DIP2C: variants seen among roughly 807,000 people sequenced by gnomAD.
The protein encoded by DIP2C is DIP2 acetate--CoA ligase C (putative).
In DIP2C, 33 loss-of-function variants were observed where a neutral mutation model predicts 192.4. The observed-to-expected ratio is 0.17, with a 90% CI of 0.13 to 0.23. The LOEUF is 0.23. DIP2C is among the 10% of genes least tolerant of loss of function. The probability of loss-of-function intolerance (pLI) is 1.00; values close to 1 mark genes in which losing one functional copy is unlikely to be tolerated. For synonymous variants in DIP2C, 979 were observed against 864.1 expected (o/e 1.13, Z -2.33); for missense variants, 1,537 against 2,110.1 (o/e 0.73, Z 5.32).
At chr10:458,558 G>C (rs977834190) in intron 3 of DIP2C, among the ~76,000 whole-genome samples, 8 of 147,782 alleles carry the variant, frequency 5.4e-5, no homozygotes, top group Non-Finnish European at 8.9e-5. Context: ...AGCGTGTGAC[G>C]GAGTGCTCAG....
At chr10:629,443 G>A (rs761953191) in intron 1 of DIP2C, among the ~76,000 whole-genome samples, 5 of 152,150 alleles carry the variant, frequency 3.3e-5, no homozygotes, top group African/African-American at 1.2e-4. Context: ...CCAGACCAGC[G>A]GCAGGACCCA....
chr10:520,010 G>C (rs369081285), intron 1 of DIP2C, among the ~76,000 whole-genome samples: 2 of 152,212 alleles, frequency 1.3e-5, no homozygotes, highest in Non-Finnish European at 2.9e-5. Flanking sequence ...GAGTAACAGC[G>C]ATGGTTCTCC....
At chr10:370,097 C>T in intron 17 of DIP2C, 1 of 962,290 alleles carries the variant, frequency 1.0e-6, no homozygotes, top group Non-Finnish European at 1.2e-6. Flanking sequence ...TCCTGACTGT[C>T]CAGCCTCAAT....
chr10:453,284 G>T (rs964216640), intron 3 of DIP2C, among the ~76,000 whole-genome samples: 1 of 152,146 alleles, frequency 6.6e-6, no homozygotes, highest in Non-Finnish European at 1.5e-5. Context: ...GACACCAGAT[G>T]AGAGGCCGTG....
intron 3 of DIP2C, among the ~76,000 whole-genome samples, chr10:459,634 T>C (rs545818024): frequency 3.1e-4 from 46 of 146,716 alleles, no homozygotes; most frequent in African/African-American, 1.1e-3. Context: ...ACAGTGTCCT[T>C]CATCTGGGCT....
chr10:355,235 C>T (rs1316391749), intron 24 of DIP2C, among the ~76,000 whole-genome samples: 1 of 152,166 alleles, frequency 6.6e-6, no homozygotes, highest in East Asian at 1.9e-4. Context: ...TGAGCAGATA[C>T]AGTGAACGAC....
intron 9 of DIP2C, among the ~76,000 whole-genome samples, chr10:403,853 C>A (rs367667021): frequency 2.2e-5 from 2 of 91,792 alleles, no homozygotes; most frequent in Non-Finnish European, 4.3e-5. Context: ...TGATTTTACA[C>A]GTGTGGTGGC....
At chr10:490,867 G>A (rs999325472) in intron 1 of DIP2C, among the ~76,000 whole-genome samples, 2 of 152,144 alleles carry the variant, frequency 1.3e-5, no homozygotes, top group African/African-American at 2.4e-5. Flanking sequence ...GTCCTACTTT[G>A]GAAGTGAAAA....
chr10:596,039 C>G (rs1210849435), intron 1 of DIP2C, among the ~76,000 whole-genome samples: 1 of 152,176 alleles, frequency 6.6e-6, no homozygotes, highest in East Asian at 1.9e-4. Flanking sequence ...CTCAGACCCA[C>G]TAAGGCCTGT....
In DIP2C at chr10:325,891, T is replaced by TA. The variant is rs900785300; in HGVS notation, c.3924+1114dup. 7.4e-4 allele frequency among the ~76,000 whole-genome samples: 112 copies of TA among 151,504 alleles called. 1 individual carries two copies. Among genetic ancestry groups the TA allele is most frequent in the African/African-American group, 2.5e-3 (101 of 41,200 alleles). The stretch of plus-strand genomic sequence containing the variant: ...CAAGGAACACCACGTTTATGAAAAT[T>TA]AAAAAAAAGGCCGGGTGCAGTGGCT... On this transcript the variant is annotated intron_variant, in intron 31 of 36. Coordinates refer to ENST00000280886, the MANE Select transcript of DIP2C (RefSeq NM_014974.3).
chr10:572,758 G>A (rs1053403449), intron 1 of DIP2C, among the ~76,000 whole-genome samples: 1 of 152,098 alleles, frequency 6.6e-6, no homozygotes, highest in Admixed American at 6.5e-5. Flanking sequence ...TCCTCCAAAT[G>A]ATCCACAAGC....
At chr10:650,479 G>A (rs1242328940) in intron 1 of DIP2C, 13 of 704,162 alleles carry the variant, frequency 1.8e-5, no homozygotes, top group African/African-American at 1.7e-4. Flanking sequence ...GAGAGTCCAC[G>A]GCCACTTCTA....
chr10:477,183 T>A, intron 2 of DIP2C, among the ~76,000 whole-genome samples: 1 of 135,662 alleles, frequency 7.4e-6, no homozygotes, highest in Non-Finnish European at 1.6e-5. Context: ...CTTAGCAAAG[T>A]CAGCAAAGAA....
intron 5 of DIP2C, among the ~76,000 whole-genome samples, chr10:420,802 C>A (rs1218729289): frequency 6.6e-6 from 1 of 152,302 alleles, no homozygotes; most frequent in East Asian, 1.9e-4. Context: ...GACTCCGTGA[C>A]CTGAGTCTGC....
intron 1 of DIP2C, among the ~76,000 whole-genome samples, chr10:623,180 G>A (rs1159743699): frequency 6.6e-6 from 1 of 152,104 alleles, no homozygotes; most frequent in Non-Finnish European, 1.5e-5. Flanking sequence ...GTGACAGGAG[G>A]GGGCACGGAG....
At chr10:311,484 G>A in intron 31 of DIP2C, 1 of 1,228,328 alleles carries the variant, frequency 8.1e-7, no homozygotes, top group Non-Finnish European at 1.0e-6. Context: ...TGCGGGCAAG[G>A]CAGCGGGGCT....
intron 32 of DIP2C, among the ~76,000 whole-genome samples, chr10:307,843 C>A (rs1216573967): frequency 1.4e-5 from 2 of 147,022 alleles, no homozygotes; most frequent in Non-Finnish European, 3.0e-5. Context: ...GGCACACAGT[C>A]CATCTGGAGG....
At chr10:583,619 T>C (rs894242552) in intron 1 of DIP2C, among the ~76,000 whole-genome samples, 1 of 152,232 alleles carries the variant, frequency 6.6e-6, no homozygotes, top group Admixed American at 6.5e-5. Flanking sequence ...TGCCCGGGGC[T>C]GCTCCCGAGA....
chr10:494,298 T>C (rs1291949929), intron 1 of DIP2C, among the ~76,000 whole-genome samples: 2 of 152,238 alleles, frequency 1.3e-5, no homozygotes, highest in African/African-American at 4.8e-5. Context: ...AGGACATCTC[T>C]GTCAACAGAG....
Sources: allele counts gnomAD v4.1 joint callset (sites outside exome capture counted in the v4.1 genomes callset), GRCh38; gene constraint gnomAD v4.1.1; transcripts MANE v1.5; gene names NCBI Gene and HGNC (gene_info 2026-07-23, HGNC 2026-07-21).